MIA2: variants seen among roughly 807,000 people sequenced by gnomAD.
MIA2 encodes the protein MIA SH3 domain ER export factor 2.
In MIA2, 127 loss-of-function variants were observed where a neutral mutation model predicts 167.8. The ratio of observed to expected loss-of-function variants is 0.76; its 90% CI spans 0.66 to 0.88. MIA2 has a LOEUF of 0.88. Among genes scored for constraint, MIA2 ranks in the 40% least tolerant of loss-of-function variants. The probability of loss-of-function intolerance (pLI) is 0.00; values close to 1 mark genes in which losing one functional copy is unlikely to be tolerated. For missense variants in MIA2, 1,690 were observed against 1,624.7 expected, an observed-to-expected ratio of 1.04 and a Z score of -0.69; for synonymous variants, 552 against 541.9, an observed-to-expected ratio of 1.02 and a Z score of -0.26.
At chr14:39,366,517 G>A (rs773675773) in intron 23 of MIA2, among the ~76,000 whole-genome samples, 2 of 152,178 alleles carry the variant, frequency 1.3e-5, no homozygotes, top group Non-Finnish European at 2.9e-5. Flanking sequence ...GTGCCAGCGA[G>A]TACCAGCTGT....
At chr14:39,298,530 GTTTTTTTTTTT>G (rs764475842) in intron 13 of MIA2, among the ~76,000 whole-genome samples, 1 of 26,180 alleles carries the variant, frequency 3.8e-5, no homozygotes, top group Admixed American at 6.1e-4. Flanking sequence ...GTAGAACAGA[GTTTTTTTTTTT>G]TTTTTTTTTT....
intron 25 of MIA2, among the ~76,000 whole-genome samples, chr14:39,336,236 C>T (rs1454054255): frequency 6.6e-6 from 1 of 152,172 alleles, no homozygotes; most frequent in African/African-American, 2.4e-5. Flanking sequence ...TATAAGCATT[C>T]CCTTTTCTCT....
chr14:39,324,387 G>A (rs2067048946), intron 24 of MIA2, among the ~76,000 whole-genome samples: 1 of 152,158 alleles, frequency 6.6e-6, no homozygotes, highest in African/African-American at 2.4e-5. Context: ...TTAATAGAAT[G>A]TATACTAATA....
At chr14:39,366,396 G>C (rs1200255156) in intron 23 of MIA2, among the ~76,000 whole-genome samples, 1 of 152,210 alleles carries the variant, frequency 6.6e-6, no homozygotes, top group Non-Finnish European at 1.5e-5. Flanking sequence ...TGTATCATGA[G>C]CAATGTCTGT....
At chr14:39,287,499 G>A (rs1328539765) in intron 9 of MIA2, among the ~76,000 whole-genome samples, 4 of 151,212 alleles carry the variant, frequency 2.6e-5, no homozygotes, top group Admixed American at 6.6e-5. Flanking sequence ...TTTCATAAAT[G>A]GCTTTTGTTA....
chr14:39,246,189 T>C (rs1381488443), intron 3 of MIA2, among the ~76,000 whole-genome samples: 1 of 151,864 alleles, frequency 6.6e-6, no homozygotes, highest in Non-Finnish European at 1.5e-5. Context: ...CTCTGCCTCC[T>C]GGGTTCAAGC....
At position 39,315,703 on chromosome 14, in the gene MIA2, A is replaced by G; in HGVS notation, c.3201A>G (p.Lys1067=). The change falls in exon 21 of 29, where the codon AAA becomes AAG. Residue 1067 remains lysine, a synonymous_variant. Transcript: ENST00000640607. ...TTCAGATTATTTCCCATGAGAAAAA[A>G]GCACATGATAATTGGGTAAGTTTAA... ...YQGQIISHEK[K]AHDNWLAARN... The G allele has an allele frequency of 6.4e-7, 1 of 1,555,198 alleles. No individual in the cohort carries two copies. Among genetic ancestry groups the G allele is most frequent in the Non-Finnish European group, 8.8e-7 (1 of 1,139,376 alleles).
chr14:39,265,274 C>A, intron 6 of MIA2: 1 of 794,620 alleles, frequency 1.3e-6, no homozygotes, highest in Non-Finnish European at 2.1e-6. Flanking sequence ...AAAACGGGAT[C>A]ACAGTGTGGA....
intron 25 of MIA2, among the ~76,000 whole-genome samples, chr14:39,345,026 C>T (rs1410261146): frequency 2.0e-5 from 3 of 152,036 alleles, no homozygotes; most frequent in Admixed American, 1.3e-4. Flanking sequence ...TGGTACTCAT[C>T]TGTTGAGTCA....
intron 14 of MIA2, among the ~76,000 whole-genome samples, chr14:39,301,851 A>G (rs932035834): frequency 1.3e-5 from 2 of 152,232 alleles, no homozygotes; most frequent in Admixed American, 6.5e-5. Context: ...GAAATGTCAT[A>G]TAAAAAATAT....
intron 14 of MIA2, among the ~76,000 whole-genome samples, chr14:39,301,361 G>A (rs1040790171): frequency 6.6e-6 from 1 of 152,116 alleles, no homozygotes; most frequent in Non-Finnish European, 1.5e-5. Context: ...CACCGCATCT[G>A]GCTGTGGCAT....
At chr14:39,367,433 G>T (rs73279368) in intron 23 of MIA2, among the ~76,000 whole-genome samples, 4,482 of 152,242 alleles carry the variant, frequency 0.029, 242 homozygotes, top group African/African-American at 0.1. Context: ...TGTGGTACTC[G>T]GCATGAGCTC....
In MIA2 at chr14:39,304,918, G is replaced by A. The variant is rs76581205; in HGVS notation, c.2878+537G>A. Among the ~76,000 whole-genome samples, 244 of 152,236 alleles carry A rather than the reference G, an allele frequency of 1.6e-3. 1 individual carries two copies. The highest frequency in any genetic ancestry group is 5.6e-3 in the African/African-American group (234 of 41,564). On this transcript the variant is annotated intron_variant, in intron 17 of 28. Coordinates refer to ENST00000640607, the MANE Select transcript of MIA2 (RefSeq NM_001329214.4). ...AAAAGTAAACAAGTTCTGTCAATAT[G>A]TTTGAAAATTTTTAAAGTTGAGATA...
chr14:39,305,886 A>G (rs2063259134), intron 17 of MIA2, among the ~76,000 whole-genome samples: 1 of 151,958 alleles, frequency 6.6e-6, no homozygotes, highest in African/African-American at 2.4e-5. Flanking sequence ...CAGTGAGCCA[A>G]GGTTGCACCA....
intron 23 of MIA2, among the ~76,000 whole-genome samples, chr14:39,384,379 G>A (rs1340891828): frequency 1.3e-5 from 2 of 152,146 alleles, no homozygotes; most frequent in African/African-American, 4.8e-5. Context: ...CATTGACAAT[G>A]CACCTGGTTA....
At chr14:39,341,186 C>T (rs1247070139) in intron 25 of MIA2, among the ~76,000 whole-genome samples, 1 of 152,070 alleles carries the variant, frequency 6.6e-6, no homozygotes, top group African/African-American at 2.4e-5. Flanking sequence ...CCTGTAGTCC[C>T]AGCTGCTCGG....
intron 9 of MIA2, among the ~76,000 whole-genome samples, chr14:39,282,969 G>T (rs1327514019): frequency 6.6e-6 from 1 of 152,034 alleles, no homozygotes; most frequent in Admixed American, 6.6e-5. Flanking sequence ...CAAAAATTCC[G>T]CATATAAGTG....
At chr14:39,309,902 A>G (rs2063932248) in intron 18 of MIA2, among the ~76,000 whole-genome samples, 1 of 151,460 alleles carries the variant, frequency 6.6e-6, no homozygotes, top group Non-Finnish European at 1.5e-5. Context: ...GACCCTTGAG[A>G]TATCTGAAGA....
At chr14:39,361,303 C>T (rs1395173525) in intron 23 of MIA2, among the ~76,000 whole-genome samples, 3 of 152,098 alleles carry the variant, frequency 2.0e-5, no homozygotes, top group African/African-American at 7.2e-5. Flanking sequence ...CTGTTTATAG[C>T]CTCTTTAACT....
Sources: gnomAD v4.1 joint callset for allele counts (sites outside exome capture counted in the v4.1 genomes callset) on GRCh38, gnomAD v4.1.1 for gene constraint, MANE v1.5 for transcripts, NCBI Gene and HGNC (gene_info 2026-07-23, HGNC 2026-07-21) for gene names.